ZNF423: variants seen among roughly 807,000 people sequenced by gnomAD.
The protein encoded by ZNF423 is zinc finger protein 423, also known as Ebf-associated zinc finger protein.
Under a neutral mutation model 95.8 loss-of-function variants are expected in ZNF423, and 12 were observed. That is an observed-to-expected ratio of 0.13 (90% CI 0.08 to 0.20). The LOEUF is 0.20. ZNF423 is among the 10% of genes least tolerant of loss of function. The probability of loss-of-function intolerance (pLI) is 1.00; values close to 1 mark genes in which losing one functional copy is unlikely to be tolerated. For synonymous variants in ZNF423, 749 were observed against 711.9 expected (o/e 1.05, Z -0.83); for missense variants, 1,316 against 1,737.1 (o/e 0.76, Z 4.31).
At chr16:49,719,504 C>T (rs1218610475) in intron 3 of ZNF423, among the ~76,000 whole-genome samples, 6 of 152,172 alleles carry the variant, frequency 3.9e-5, no homozygotes, top group Non-Finnish European at 7.3e-5. Flanking sequence ...TCTGTGTCCC[C>T]ACCCAAATCT....
At chr16:49,628,947 G>C (rs1972402953) in intron 4 of ZNF423, among the ~76,000 whole-genome samples, 1 of 152,318 alleles carries the variant, frequency 6.6e-6, no homozygotes, top group African/African-American at 2.4e-5. Context: ...TGAAGAAAGA[G>C]GGGTGGTATT....
At chr16:49,850,371 T>A (rs973992288) in intron 1 of ZNF423, among the ~76,000 whole-genome samples, 3 of 152,238 alleles carry the variant, frequency 2.0e-5, no homozygotes, top group Non-Finnish European at 4.4e-5. Context: ...CCTTGCAAGC[T>A]GACGGGAATT....
intron 1 of ZNF423, chr16:49,854,328 G>A (rs1022200867): frequency 2.0e-6 from 2 of 985,272 alleles, no homozygotes; most frequent in African/African-American, 3.5e-5. Context: ...TGCTGGGCCG[G>A]GGGCAGTCCC....
At chr16:49,819,408 T>C (rs2144014011) in intron 1 of ZNF423, among the ~76,000 whole-genome samples, 1 of 152,126 alleles carries the variant, frequency 6.6e-6, no homozygotes, top group South Asian at 2.1e-4. Context: ...TGGTCTAGAC[T>C]CTAGAGCACA....
intron 7 of ZNF423, among the ~76,000 whole-genome samples, chr16:49,522,351 T>C (rs1968434845): frequency 6.6e-6 from 1 of 152,098 alleles, no homozygotes; most frequent in South Asian, 2.1e-4. Flanking sequence ...GAAGTGCTGG[T>C]AGAGAAGTCA....
intron 5 of ZNF423, among the ~76,000 whole-genome samples, chr16:49,542,974 A>C (rs1969305770): frequency 6.6e-6 from 1 of 152,124 alleles, no homozygotes; most frequent in Non-Finnish European, 1.5e-5. Flanking sequence ...TCTTCATCTG[A>C]GGCTGGGGTC....
chr16:49,856,694 G>A (rs1349798659), upstream of ZNF423, among the ~76,000 whole-genome samples: 1 of 148,984 alleles, frequency 6.7e-6, no homozygotes, highest in Non-Finnish European at 1.5e-5. Flanking sequence ...GGGGCGCGCG[G>A]GGGCGCTCAG....
intron 3 of ZNF423, among the ~76,000 whole-genome samples, chr16:49,677,320 AGGGAGGGGAGGGGAGGGGAG>A (rs1239870003): frequency 2.0e-5 from 1 of 50,324 alleles, no homozygotes; most frequent in Admixed American, 2.5e-4. Flanking sequence ...AAGGAGGGGA[AGGGAGGGGAGGGGAGGGGAG>A]GGGAGGAGGG....
At chr16:49,828,110 T>C (rs1189836355) in intron 1 of ZNF423, among the ~76,000 whole-genome samples, 1 of 152,186 alleles carries the variant, frequency 6.6e-6, no homozygotes, top group Non-Finnish European at 1.5e-5. Flanking sequence ...AGATGGCCCA[T>C]CTCCAGGGTC....
intron 5 of ZNF423, among the ~76,000 whole-genome samples, chr16:49,600,448 C>A (rs541460033): frequency 6.6e-6 from 1 of 152,156 alleles, no homozygotes; most frequent in Non-Finnish European, 1.5e-5. Context: ...TGCAGCCCTG[C>A]AGGAAGACAC....
At chr16:49,724,556 C>T (rs1456408818) in intron 3 of ZNF423, among the ~76,000 whole-genome samples, 2 of 152,214 alleles carry the variant, frequency 1.3e-5, no homozygotes, top group East Asian at 1.9e-4. Flanking sequence ...AGGCAGGGAG[C>T]CCCTCATGCT....
intron 2 of ZNF423, among the ~76,000 whole-genome samples, chr16:49,742,359 A>T (rs888228732): frequency 2.6e-5 from 4 of 152,148 alleles, no homozygotes; most frequent in African/African-American, 9.7e-5. Context: ...GGAGGGAAGC[A>T]GGGGGGAGAA....
intron 1 of ZNF423, among the ~76,000 whole-genome samples, chr16:49,848,352 C>T (rs755156338): frequency 3.9e-5 from 6 of 152,214 alleles, no homozygotes; most frequent in African/African-American, 7.2e-5. Flanking sequence ...CAAACAAAGG[C>T]TCCCCAGCAT....
intron 2 of ZNF423, among the ~76,000 whole-genome samples, chr16:49,775,745 C>T (rs2034109945): frequency 6.6e-6 from 1 of 152,204 alleles, no homozygotes; most frequent in Non-Finnish European, 1.5e-5. Context: ...AGGGACCCAA[C>T]TGTGCCCTTG....
At chr16:49,507,429 T>C (rs1235683091) in intron 7 of ZNF423, among the ~76,000 whole-genome samples, 1 of 152,082 alleles carries the variant, frequency 6.6e-6, no homozygotes, top group African/African-American at 2.4e-5. Context: ...CCACCACGCC[T>C]GGCCAATACC....
chr16:49,547,399 A>C (rs1164345216), intron 5 of ZNF423, among the ~76,000 whole-genome samples: 1 of 152,248 alleles, frequency 6.6e-6, no homozygotes, highest in Non-Finnish European at 1.5e-5. Flanking sequence ...TACCACGTTA[A>C]CAAGAAGAGC....
rs537572388 is a variant in ZNF423, at chr16:49,573,980, A to G, written c.3602-48486T>C. On this transcript the variant is annotated intron_variant, in intron 5 of 7. Transcript: ENST00000563137. ...TCATCCATACCTCACAGCAAGCCGT[A>G]CCAATCTCTAAGGAATCACTGCACG... Among the ~76,000 whole-genome samples, 3 of 152,346 alleles carry G rather than the reference A, an allele frequency of 2.0e-5. No individual in the cohort carries two copies. In the East Asian group the frequency reaches 5.8e-4, roughly 29 times the overall value.
At position 49,635,804 on chromosome 16, in the gene ZNF423, G is replaced by T; in HGVS notation, c.3372C>A (p.Pro1124=). The change falls in exon 4 of 8, where the codon CCC becomes CCA. Residue 1124 remains proline (P), a synonymous_variant. Transcript: ENST00000563137. The surrounding 1 kb of genome is among the most constrained non-coding windows in gnomAD (Gnocchi z 4.8). ...ACTCGGGGCAACGGAGGCCGGCACA[G>T]GGCCGGTCGGCGGGCTCGGGCGGGG... ...GLAPPEPADR[P]CAGLRCPECS... 6.2e-7 allele frequency: 1 copy of T among 1,611,324 alleles called. No homozygotes were observed.
intron 2 of ZNF423, among the ~76,000 whole-genome samples, chr16:49,744,346 T>C (rs1304560298): frequency 6.6e-6 from 1 of 151,302 alleles, no homozygotes; most frequent in African/African-American, 2.4e-5. Context: ...TCAGCACACA[T>C]GTGGCCAGGC....
Sources: allele counts gnomAD v4.1 joint callset (sites outside exome capture counted in the v4.1 genomes callset), GRCh38; gene constraint gnomAD v4.1.1; non-coding constraint Gnocchi (gnomAD v3.1); transcripts MANE v1.5; gene names NCBI Gene and HGNC (gene_info 2026-07-23, HGNC 2026-07-21).